GPR26: variants seen among roughly 807,000 people sequenced by gnomAD.
GPR26 encodes G protein-coupled receptor 26.
Under a neutral mutation model 23.1 loss-of-function variants are expected in GPR26, and 15 were observed. The ratio of observed to expected loss-of-function variants is 0.65; its 90% CI spans 0.43 to 1.00. The LOEUF (loss-of-function observed/expected upper bound fraction) is 1.00, where lower values mean the gene tolerates loss of function less well. Among genes scored for constraint, GPR26 ranks in the 50% least tolerant of loss-of-function variants. GPR26 has a pLI of 0.00. For missense variants in GPR26, 359 were observed against 470.5 expected (o/e 0.76, Z 2.19); for synonymous variants, 228 against 222.1 (o/e 1.03, Z -0.24).
chr10:123,674,348 A>G lies in GPR26; in HGVS notation c.669-470A>G, dbSNP rs561943816. Reference sequence around the variant, plus strand: ...GCCAGGATTAACTGTGGTAAAGAGAAGAATCTGAGATACTACTTAGAGAGT... The same window carrying G: ...GCCAGGATTAACTGTGGTAAAGAGAGGAATCTGAGATACTACTTAGAGAGT... On this transcript the variant is annotated intron_variant, in intron 1 of 2. Coordinates refer to ENST00000284674, the MANE Select transcript of GPR26 (RefSeq NM_153442.4). This position sits in a 1 kb window ranked among gnomAD's most constrained non-coding sequence, Gnocchi z 4.1. 6.6e-6 allele frequency among the ~76,000 whole-genome samples: 1 copy of G among 152,368 alleles called. No homozygotes were observed. Among genetic ancestry groups the G allele is most frequent in the African/African-American group, 2.4e-5 (1 of 41,590 alleles).
intron 1 of GPR26, among the ~76,000 whole-genome samples, chr10:123,669,864 C>T (rs1387491757): frequency 6.6e-6 from 1 of 152,184 alleles, no homozygotes; most frequent in African/African-American, 2.4e-5. Flanking sequence ...TCTTGAGTTA[C>T]GTTTCTGAAG....
At position 123,695,010 on chromosome 10, in the gene GPR26, C is replaced by G. The variant is rs1215838334; in HGVS notation, c.*6850C>G. 2.6e-5 allele frequency among the ~76,000 whole-genome samples: 4 copies of G among 152,176 alleles called. No homozygotes were observed. The highest frequency in any genetic ancestry group is 9.7e-5 in the African/African-American group (4 of 41,432). The stretch of plus-strand genomic sequence containing the variant: ...TGGGCACTGCCACATACCCCCAGGA[C>G]AAACGGAAAAATCCACACAGCAGAA... On this transcript the variant is annotated 3_prime_UTR_variant, in exon 3 of 3. Transcript: ENST00000284674.
Position 123,692,389 on chromosome 10 carries a change from G to C in GPR26, c.*4229G>C, listed in dbSNP as rs890457808. The C allele has an allele frequency of 1.0e-4, 16 of 152,442 alleles. No individual in the cohort carries two copies. The highest frequency in any genetic ancestry group is 3.6e-4 in the African/African-American group (15 of 41,588). The allele number at this position is 152,442 out of a possible 1,614,324, so 9.4% of individuals were successfully genotyped here. On this transcript the variant is annotated 3_prime_UTR_variant, in exon 3 of 3. Coordinates refer to ENST00000284674, the MANE Select transcript of GPR26 (RefSeq NM_153442.4). Reference sequence around the variant, plus strand: ...CAGGAGCTGAGCCAGGCTGAGGCAAGGTCAGCGAGAGACAGTTCTCCATGC... The same window carrying C: ...CAGGAGCTGAGCCAGGCTGAGGCAACGTCAGCGAGAGACAGTTCTCCATGC...
intron 1 of GPR26, among the ~76,000 whole-genome samples, chr10:123,669,102 C>G (rs1447595584): frequency 1.3e-5 from 2 of 152,204 alleles, no homozygotes; most frequent in African/African-American, 2.4e-5. Context: ...CTTTGAAGAG[C>G]CCCTGCTCCC....
Position 123,687,947 on chromosome 10 carries a change from C to T in GPR26, c.801C>T (p.Ser267=), listed in dbSNP as rs776908294. ...TCCACAGGCTAGTGGAGCTCTTCTC[C>T]ACGGTGCCCATCGGCTCCCACTGGG... is the stretch of plus-strand genomic sequence containing the variant. ...YVITRLVELF[S]TVPIGSHWGV... Residue 267 remains serine, a synonymous_variant, in exon 3 of 3, where the codon TCC becomes TCT. Coordinates refer to ENST00000284674, the MANE Select transcript of GPR26 (RefSeq NM_153442.4). 1 of 1,611,982 alleles carries T rather than the reference C, an allele frequency of 6.2e-7. No homozygotes were observed. The highest frequency in any genetic ancestry group is 8.5e-7 in the Non-Finnish European group (1 of 1,178,252).
rs562174711 is a variant in GPR26 at position 123,682,773 on chromosome 10, C to T, written c.783-5156C>T. Among the ~76,000 whole-genome samples, 23 of 151,894 alleles carry T rather than the reference C, an allele frequency of 1.5e-4. 1 individual carries two copies. The South Asian group carries it at 4.6e-3, about 30-fold the overall frequency. On this transcript the variant is annotated intron_variant, in intron 2 of 2. Coordinates refer to ENST00000284674, the MANE Select transcript of GPR26 (RefSeq NM_153442.4). ...AAATGTGTAGATGGGAGAGGGGTCT[C>T]ATATGCAGGGGATTCCCAAAGATTG...
In GPR26 at chr10:123,695,633, C is replaced by T. The variant is rs931542342; in HGVS notation, c.*7473C>T. On this transcript the variant is annotated 3_prime_UTR_variant, in exon 3 of 3. Transcript: ENST00000284674. ...GATGGTCAGTTTCCTAAGGACCAGACCATAGTGACTGCTCATGCATCGGCT... is the reference window on the plus strand; with the variant it reads ...GATGGTCAGTTTCCTAAGGACCAGATCATAGTGACTGCTCATGCATCGGCT... Among the ~76,000 whole-genome samples, 1 of 152,104 alleles carries T rather than the reference C, an allele frequency of 6.6e-6. No individual in the cohort carries two copies. Among genetic ancestry groups the T allele is most frequent in the Non-Finnish European group, 1.5e-5 (1 of 68,020 alleles).
intron 1 of GPR26, among the ~76,000 whole-genome samples, chr10:123,668,288 A>G (rs755818082): frequency 2.0e-5 from 3 of 152,150 alleles, no homozygotes; most frequent in Admixed American, 6.5e-5. Flanking sequence ...GACCTTCACA[A>G]TGCCGACACA....
In GPR26 at chr10:123,674,709, A is replaced by G. The variant is rs1845286754; in HGVS notation, c.669-109A>G. 1.7e-5 allele frequency: 12 copies of G among 693,074 alleles called. No individual in the cohort carries two copies. Among genetic ancestry groups the G allele is most frequent in the Admixed American group, 4.8e-5 (2 of 41,424 alleles). The allele number at this position is 693,074 out of a possible 1,614,324, so 42.9% of individuals were successfully genotyped here. On this transcript the variant is annotated intron_variant, in intron 1 of 2. Transcript: ENST00000284674. This position sits in a 1 kb window ranked among gnomAD's most constrained non-coding sequence, Gnocchi z 4.1. Reference sequence around the variant, plus strand: ...GTTGACGCTGGGTCTTTCCGACTCCATAGTCAAGTTCTCACACTAGAGACT... The same window carrying G: ...GTTGACGCTGGGTCTTTCCGACTCCGTAGTCAAGTTCTCACACTAGAGACT...
Position 123,674,839 on chromosome 10 carries a change from G to A in GPR26, c.690G>A (p.Glu230=). The A allele has an allele frequency of 2.5e-6, 4 of 1,613,346 alleles. No homozygotes were observed. The South Asian group carries it at 3.3e-5, about 13-fold the overall frequency. Residue 230 remains glutamate (E), a synonymous_variant, in exon 2 of 3, where the codon GAG becomes GAA. Coordinates refer to ENST00000284674, the MANE Select transcript of GPR26 (RefSeq NM_153442.4). The surrounding 1 kb of genome is among the most constrained non-coding windows in gnomAD (Gnocchi z 4.1). Reference sequence around the variant, plus strand: ...GCAGTGTGCGGGAACGCTGTCTGGAGGAGCAGAAGCGGAGGCGACAGCGAG... The same window carrying A: ...GCAGTGTGCGGGAACGCTGTCTGGAAGAGCAGAAGCGGAGGCGACAGCGAG... ...LHPSVRERCL[E]EQKRRRQRAT... is the part of the protein sequence containing the mutation.
Position 123,667,043 on chromosome 10 carries a change from G to A in GPR26, c.636G>A (p.Gln212=), listed in dbSNP as rs377154951. The change falls in exon 1 of 3, where the codon CAG becomes CAA. Residue 212 remains glutamine, a synonymous_variant. Transcript: ENST00000284674. The stretch of plus-strand genomic sequence containing the variant: ...AGCGCATCGACGTGATCACCATGCA[G>A]ACGCTGGTGCTGCTGGTGGACCTGC... The part of the protein sequence containing the change: ...HCKRIDVITM[Q]TLVLLVDLHP... The A allele has an allele frequency of 6.7e-5, 107 of 1,604,692 alleles. No homozygotes were observed. Among genetic ancestry groups the A allele is most frequent in the Admixed American group, 1.4e-4 (8 of 59,016 alleles).
chr10:123,669,586 TCACTG>T, intron 1 of GPR26, among the ~76,000 whole-genome samples: 1 of 152,330 alleles, frequency 6.6e-6, no homozygotes, highest in South Asian at 2.1e-4. Flanking sequence ...GAGTCTTTGC[TCACTG>T]GAAGTTTTGT....
intron 1 of GPR26, among the ~76,000 whole-genome samples, chr10:123,668,372 T>C (rs1322600647): frequency 6.6e-6 from 1 of 152,164 alleles, no homozygotes; most frequent in African/African-American, 2.4e-5. Flanking sequence ...GGACCAATCT[T>C]CCAGCCACAG....
rs755517269 is a variant in GPR26 at position 123,666,831 on chromosome 10, C to T, written c.424C>T (p.Leu142Phe). 1.1e-5 allele frequency: 17 copies of T among 1,609,852 alleles called. No individual in the cohort carries two copies. The highest frequency in any genetic ancestry group is 1.4e-5 in the Non-Finnish European group (17 of 1,178,466). The part of the protein sequence containing the change: ...LHALTFPAAA[L>F]ALSWLGFHQL... ...CGCGCTCACCTTCCCAGCCGCCGCG[C>T]TCGCCCTGTCCTGGCTCGGCTTCCA... Residue 142 changes from leucine to phenylalanine, a missense_variant, in exon 1 of 3, where the codon CTC (leucine) becomes TTC (phenylalanine). Leu to Phe is a conservative substitution (Grantham distance 22, BLOSUM62 0). Transcript: ENST00000284674.
intron 2 of GPR26, among the ~76,000 whole-genome samples, chr10:123,684,154 G>A (rs775409701): frequency 6.6e-6 from 1 of 152,208 alleles, no homozygotes; most frequent in Non-Finnish European, 1.5e-5. Flanking sequence ...CCCGAATGGA[G>A]CCTCATGTCC....
intron 2 of GPR26, 122 bp downstream of exon 2, chr10:123,675,053 G>C (rs182244088): frequency 1.6e-6 from 1 of 628,436 alleles, no homozygotes; most frequent in African/African-American, 1.8e-5. Flanking sequence ...TGGGGGGCAA[G>C]AGTGAACTTG....
Position 123,666,707 on chromosome 10 carries a change from C to T in GPR26, c.300C>T (p.Leu100=). ...ACTCCATGCTCAGCATGGCCGCGCTCAGCATCGACCGCTGGGTGGCCGTGG... is the reference window on the plus strand; with the variant it reads ...ACTCCATGCTCAGCATGGCCGCGCTTAGCATCGACCGCTGGGTGGCCGTGG... ...AANSMLSMAA[L]SIDRWVAVVF... Residue 100 remains leucine, a synonymous_variant, in exon 1 of 3, where the codon CTC becomes CTT. Coordinates refer to ENST00000284674, the MANE Select transcript of GPR26 (RefSeq NM_153442.4). The T allele has an allele frequency of 6.3e-7, 1 of 1,599,258 alleles. No individual in the cohort carries two copies. Among genetic ancestry groups the T allele is most frequent in the Non-Finnish European group, 8.5e-7 (1 of 1,178,074 alleles).
In GPR26 at chr10:123,690,881, G is replaced by A. The variant is rs1845484668; in HGVS notation, c.*2721G>A. ...CAGGTATAACACATAGAAACACCAA[G>A]ATTTTCAGCATCTGAATCAAACTAA... On this transcript the variant is annotated 3_prime_UTR_variant, in exon 3 of 3. Transcript: ENST00000284674. 6.6e-6 allele frequency: 1 copy of A among 152,164 alleles called. No homozygotes were observed. Among genetic ancestry groups the A allele is most frequent in the African/African-American group, 2.4e-5 (1 of 41,430 alleles). The allele number at this position is 152,164 out of a possible 1,614,324, so 9.4% of individuals were successfully genotyped here. A position where few individuals can be genotyped will look rare whatever the true frequency, so the allele number is the denominator to read the frequency against.
intron 2 of GPR26, among the ~76,000 whole-genome samples, chr10:123,684,950 T>C (rs1845415146): frequency 6.6e-6 from 1 of 152,204 alleles, no homozygotes. Flanking sequence ...CCCCTCACTG[T>C]AGGGCTTTCT....
Sources: gnomAD v4.1 joint callset for allele counts (sites outside exome capture counted in the v4.1 genomes callset) on GRCh38, gnomAD v4.1.1 for gene constraint, Gnocchi (gnomAD v3.1) non-coding constraint, MANE v1.5 for transcripts, NCBI Gene and HGNC (gene_info 2026-07-23, HGNC 2026-07-21) for gene names.